Variants in ADAMTSL3 observed in about 807,000 individuals in gnomAD.
ADAMTSL3 encodes ADAMTS-like protein 3.
ADAMTSL3 carries 128 observed loss-of-function variants against 201.7 expected under a neutral mutation model. The ratio of observed to expected loss-of-function variants is 0.63; its 90% CI spans 0.55 to 0.73. The LOEUF (loss-of-function observed/expected upper bound fraction) is 0.73. ADAMTSL3 is among the 30% of genes least tolerant of loss of function. The pLI is 0.00. For synonymous variants in ADAMTSL3, 738 were observed against 748.4 expected (o/e 0.99, Z 0.23); for missense variants, 1,990 against 2,119.6 (o/e 0.94, Z 1.20).
intron 23 of ADAMTSL3, among the ~76,000 whole-genome samples, chr15:83,996,625 C>CA (rs1447143403): frequency 1.3e-5 from 2 of 151,158 alleles, no homozygotes; most frequent in Non-Finnish European, 3.0e-5. Flanking sequence ...ACTAAAAATA[C>CA]AAAAAATTAG....
At chr15:83,879,221 T>G (rs569473500) in intron 9 of ADAMTSL3, among the ~76,000 whole-genome samples, 2 of 152,288 alleles carry the variant, frequency 1.3e-5, no homozygotes, top group East Asian at 3.9e-4. Flanking sequence ...GGTTCATGAC[T>G]GTTTTACTCT....
chr15:83,920,099 G>C (rs764139715), intron 16 of ADAMTSL3, among the ~76,000 whole-genome samples: 2 of 152,174 alleles, frequency 1.3e-5, no homozygotes, highest in African/African-American at 4.8e-5. Flanking sequence ...TGATACTGAT[G>C]CATGTAAATG....
intron 8 of ADAMTSL3, among the ~76,000 whole-genome samples, chr15:83,861,287 G>A (rs2064852257): frequency 2.0e-5 from 3 of 152,220 alleles, no homozygotes; most frequent in Admixed American, 1.3e-4. Context: ...TTTGAAGAGA[G>A]TAGTGGTTCT....
Position 83,654,882 on chromosome 15 carries a change from G to T in ADAMTSL3, c.-34+606G>T, listed in dbSNP as rs1024765630. Among the ~76,000 whole-genome samples, 1 of 152,172 alleles carries T rather than the reference G, an allele frequency of 6.6e-6. No individual in the cohort carries two copies. Among genetic ancestry groups the T allele is most frequent in the Non-Finnish European group, 1.5e-5 (1 of 68,044 alleles). Reference sequence around the variant, plus strand: ...TCAGGTCGGAAACAGCAGCACATTTGCGGATCACATTAGACCAGGCCCTTA... The same window carrying T: ...TCAGGTCGGAAACAGCAGCACATTTTCGGATCACATTAGACCAGGCCCTTA... On this transcript the variant is annotated intron_variant, in intron 1 of 29. Coordinates refer to ENST00000286744, the MANE Select transcript of ADAMTSL3 (RefSeq NM_207517.3). The surrounding 1 kb of genome is among the most constrained non-coding windows in gnomAD (Gnocchi z 5.3).
intron 26 of ADAMTSL3, 58 bp downstream of exon 26, chr15:84,021,651 G>T: frequency 1.9e-6 from 3 of 1,574,446 alleles, no homozygotes; most frequent in Non-Finnish European, 2.6e-6. Flanking sequence ...GTTTTGAAAG[G>T]TGCAGTGATT....
chr15:83,884,372 TC>T (rs2065347052), intron 9 of ADAMTSL3, among the ~76,000 whole-genome samples: 1 of 144,894 alleles, frequency 6.9e-6, no homozygotes, highest in Non-Finnish European at 1.5e-5. Context: ...AGACAGTGGT[TC>T]AAGACATTCT....
At chr15:83,989,936 G>A (rs984964510) in intron 22 of ADAMTSL3, among the ~76,000 whole-genome samples, 1 of 152,158 alleles carries the variant, frequency 6.6e-6, no homozygotes, top group South Asian at 2.1e-4. Context: ...TCATAAAGTG[G>A]GAAGTCAGAC....
At chr15:83,943,122 C>A in intron 19 of ADAMTSL3, 40 bp downstream of exon 19, 1 of 1,550,778 alleles carries the variant, frequency 6.4e-7, no homozygotes, top group Non-Finnish European at 8.7e-7. Context: ...TTCTTTTCTG[C>A]CCCTCCTTTG....
intron 20 of ADAMTSL3, among the ~76,000 whole-genome samples, chr15:83,975,245 A>T (rs373485688): frequency 6.6e-6 from 1 of 151,510 alleles, no homozygotes; most frequent in East Asian, 2.0e-4. Context: ...CTTGTGATCC[A>T]CCCACCTTGG....
chr15:83,948,677 C>T (rs1202670777), intron 19 of ADAMTSL3, among the ~76,000 whole-genome samples: 1 of 152,062 alleles, frequency 6.6e-6, no homozygotes, highest in Admixed American at 6.6e-5. Flanking sequence ...TTAATTTGGT[C>T]TTGATCGAAG....
chr15:83,791,112 T>C (rs1353640919), intron 4 of ADAMTSL3, among the ~76,000 whole-genome samples: 2 of 152,148 alleles, frequency 1.3e-5, no homozygotes, highest in Admixed American at 1.3e-4. Flanking sequence ...TGGAACAATA[T>C]TCCACATTCA....
intron 23 of ADAMTSL3, among the ~76,000 whole-genome samples, chr15:84,009,968 G>A (rs1050388736): frequency 1.3e-5 from 2 of 152,182 alleles, no homozygotes; most frequent in African/African-American, 2.4e-5. Context: ...AGATTGTTTA[G>A]GGTCTTTCAC....
chr15:84,006,648 C>CT, intron 23 of ADAMTSL3, among the ~76,000 whole-genome samples: 4 of 152,240 alleles, frequency 2.6e-5, no homozygotes, highest in Admixed American at 2.6e-4. Context: ...AGCTGCAAGT[C>CT]TTGGGGGAAA....
chr15:83,700,295 A>T (rs2061753592), intron 2 of ADAMTSL3, among the ~76,000 whole-genome samples: 1 of 152,098 alleles, frequency 6.6e-6, no homozygotes, highest in Admixed American at 6.6e-5. Context: ...CCTCAAACTC[A>T]CTGACCTCCT....
intron 7 of ADAMTSL3, among the ~76,000 whole-genome samples, chr15:83,850,189 G>A (rs572352731): frequency 3.4e-4 from 51 of 151,914 alleles, no homozygotes; most frequent in Non-Finnish European, 6.0e-4. Flanking sequence ...CTCCCGCTAC[G>A]GAGGCACAAA....
At chr15:83,767,087 T>C (rs1205993982) in intron 3 of ADAMTSL3, among the ~76,000 whole-genome samples, 1 of 152,152 alleles carries the variant, frequency 6.6e-6, no homozygotes, top group East Asian at 1.9e-4. Context: ...GAGTAAGACT[T>C]CGTCTCAAAA....
chr15:83,846,228 T>G (rs557817605), intron 7 of ADAMTSL3, among the ~76,000 whole-genome samples: 1 of 152,346 alleles, frequency 6.6e-6, no homozygotes, highest in South Asian at 2.1e-4. Flanking sequence ...TACACTGTGC[T>G]ATGTATTTGT....
In ADAMTSL3 at chr15:83,892,730, G is replaced by A. The variant is rs773361304; in HGVS notation, c.1309G>A (p.Gly437Arg). The A allele has an allele frequency of 6.2e-7, 1 of 1,614,062 alleles. No homozygotes were observed. The highest frequency in any genetic ancestry group is 8.5e-7 in the Non-Finnish European group (1 of 1,179,990). The change falls in exon 13 of 30, where the codon GGG becomes AGG. Residue 437 changes from glycine to arginine, a missense_variant. Physicochemically the swap from Gly to Arg is moderately radical, Grantham distance 125 (BLOSUM62 -2). Transcript: ENST00000286744. ...WTACSVSCGG[G>R]IQRRSFVCVE... is the part of the protein sequence containing the mutation. ...TGCATGTTCCGTGTCCTGTGGAGGA[G>A]GGATTCAGAGACGGAGCTTTGTGTG...
At chr15:83,821,030 C>G (rs971171016) in intron 6 of ADAMTSL3, among the ~76,000 whole-genome samples, 1 of 151,624 alleles carries the variant, frequency 6.6e-6, no homozygotes, top group East Asian at 1.9e-4. Flanking sequence ...GCCAAGATCA[C>G]GCCACTGCAC....
Sources: allele counts gnomAD v4.1 joint callset (sites outside exome capture counted in the v4.1 genomes callset), GRCh38; gene constraint gnomAD v4.1.1; non-coding constraint Gnocchi (gnomAD v3.1); transcripts MANE v1.5; gene names NCBI Gene and HGNC (gene_info 2026-07-23, HGNC 2026-07-21).